The following CFAP46 variants were observed in gnomAD, a reference collection of about 807,000 sequenced individuals.
The protein encoded by CFAP46 is cilia- and flagella-associated protein 46.
In CFAP46, 245 loss-of-function variants were observed where a neutral mutation model predicts 325.7. That is an observed-to-expected ratio of 0.75 (90% CI 0.68 to 0.84). The LOEUF (loss-of-function observed/expected upper bound fraction) is 0.84, where lower values mean the gene tolerates loss of function less well. Ranked by LOEUF, CFAP46 falls within the 40% of genes least tolerant of loss-of-function variation. The pLI is 0.00. For missense variants in CFAP46, 3,346 were observed against 3,543.0 expected (o/e 0.94, Z 1.41); for synonymous variants, 1,523 against 1,495.9 (o/e 1.02, Z -0.42).
chr10:132,884,402 G>C lies in CFAP46; in HGVS notation c.3627+701C>G, dbSNP rs1282044410. On this transcript the variant is annotated intron_variant, in intron 27 of 57. Coordinates refer to ENST00000368586, the MANE Select transcript of CFAP46 (RefSeq NM_001200049.3). This position sits in a 1 kb window ranked among gnomAD's most constrained non-coding sequence, Gnocchi z 5.4. ...GACCCCAGAACAATCCAAAGGCCTC[G>C]GGGCAGGATTGCTCTGAGCCGGAGA... 6.6e-6 allele frequency among the ~76,000 whole-genome samples: 1 copy of C among 152,220 alleles called. No individual in the cohort carries two copies. Among genetic ancestry groups the C allele is most frequent in the Non-Finnish European group, 1.5e-5 (1 of 68,036 alleles).
chr10:132,899,795 A>G (rs1849369181), intron 22 of CFAP46, 129 bp from the exon 23 acceptor site: 1 of 1,098,520 alleles, frequency 9.1e-7, no homozygotes, highest in Non-Finnish European at 1.3e-6. Flanking sequence ...CTGGCCCACA[A>G]GCACATGTGC....
chr10:132,836,845 T>A lies in CFAP46; in HGVS notation c.6508A>T (p.Ile2170Phe). 6.2e-7 allele frequency: 1 copy of A among 1,613,796 alleles called. No individual in the cohort carries two copies. Among genetic ancestry groups the A allele is most frequent in the African/African-American group, 1.3e-5 (1 of 75,038 alleles). ...TCCCCTGAGAGGTGCAGAAAGAGGA[T>A]CCAAAAGGTCGGAGGCATCTCATTC... ...LLNEMPPTFW[I>F]LFLHLSGDRS... Residue 2170 changes from isoleucine to phenylalanine, a missense_variant, in exon 45 of 58, where the codon ATC becomes TTC. By Grantham distance (21) the Ile-to-Phe change is conservative. Transcript: ENST00000368586.
In CFAP46 at chr10:132,908,115, C is replaced by T. The variant is rs180827250; in HGVS notation, c.2924+353G>A. Reference sequence around the variant, plus strand: ...AGAATCCTTCCTGACCAGCTTTCCACGGGGCCACTGCTGACTTGTCCATGA... The same window carrying T: ...AGAATCCTTCCTGACCAGCTTTCCATGGGGCCACTGCTGACTTGTCCATGA... On this transcript the variant is annotated intron_variant, in intron 22 of 57. Coordinates refer to ENST00000368586, the MANE Select transcript of CFAP46 (RefSeq NM_001200049.3). 7.5e-4 allele frequency among the ~76,000 whole-genome samples: 114 copies of T among 152,350 alleles called. 2 individuals are homozygous for T. The highest frequency in any genetic ancestry group is 4.2e-3 in the Admixed American group (64 of 15,314).
intron 50 of CFAP46, among the ~76,000 whole-genome samples, chr10:132,821,511 C>CTGA (rs1847827309): frequency 2.6e-5 from 3 of 115,262 alleles, no homozygotes; most frequent in African/African-American, 3.6e-5. Flanking sequence ...GCTGTGTGCG[C>CTGA]TGTGTGCTGT....
chr10:132,912,575 C>A, intron 19 of CFAP46, 80 bp downstream of exon 19: 1 of 1,405,932 alleles, frequency 7.1e-7, no homozygotes, highest in Non-Finnish European at 9.5e-7. Flanking sequence ...CCTCTTTCAC[C>A]TCTCCTCTCC....
Position 132,926,672 on chromosome 10 carries a change from G to A in CFAP46, c.967-6C>T, listed in dbSNP as rs1405570726. 5 of 1,532,204 alleles carry A rather than the reference G, an allele frequency of 3.3e-6. No homozygotes were observed. The African/African-American group carries it at 4.1e-5, about 13-fold the overall frequency. The allele number at this position is 1,532,204 out of a possible 1,614,324, so 94.9% of individuals were successfully genotyped here. A position where few individuals can be genotyped will look rare whatever the true frequency, so the allele number is the denominator to read the frequency against. On this transcript the variant is annotated splice_region_variant and splice_polypyrimidine_tract_variant and intron_variant, in intron 9 of 57. Coordinates refer to ENST00000368586, the MANE Select transcript of CFAP46 (RefSeq NM_001200049.3). Reference sequence around the variant, plus strand: ...TCAATAAGCTTCCCAGGATCCTGCAGATATAAACAGTTTTTGAAAAGATGG... The same window carrying A: ...TCAATAAGCTTCCCAGGATCCTGCAAATATAAACAGTTTTTGAAAAGATGG...
At position 132,847,439 on chromosome 10, in the gene CFAP46, G is replaced by C. The variant is rs1036988853; in HGVS notation, c.5953-118C>G. 8.1e-7 allele frequency: 1 copy of C among 1,238,518 alleles called. No homozygotes were observed. The highest frequency in any genetic ancestry group is 1.5e-5 in the African/African-American group (1 of 66,922). The allele number at this position is 1,238,518 out of a possible 1,614,324, so 76.7% of individuals were successfully genotyped here. A position where few individuals can be genotyped will look rare whatever the true frequency, so the allele number is the denominator to read the frequency against. On this transcript the variant is annotated intron_variant, in intron 41 of 57. Coordinates refer to ENST00000368586, the MANE Select transcript of CFAP46 (RefSeq NM_001200049.3). This position sits in a 1 kb window ranked among gnomAD's most constrained non-coding sequence, Gnocchi z 5.2. ...TCCTCAGCAGGGTCCCCGGGTAGGG[G>C]GTACCGCAGGCCACAGCATGGCCTC...
At chr10:132,930,508 T>C (rs1344127841) in intron 8 of CFAP46, among the ~76,000 whole-genome samples, 3 of 120,844 alleles carry the variant, frequency 2.5e-5, no homozygotes, top group African/African-American at 6.5e-5. Context: ...GCCTGGGCCT[T>C]CCTCCTCCCC....
At chr10:132,809,188 G>T (rs1344193661) in intron 57 of CFAP46, among the ~76,000 whole-genome samples, 1 of 152,206 alleles carries the variant, frequency 6.6e-6, no homozygotes. Flanking sequence ...CTCTGCTGGG[G>T]GGGCGCCCGT....
rs1848071797 is a variant in CFAP46 at position 132,827,194 on chromosome 10, C to T, written c.7117+6164G>A. Among the ~76,000 whole-genome samples, 1 of 152,098 alleles carries T rather than the reference C, an allele frequency of 6.6e-6. No homozygotes were observed. Among genetic ancestry groups the T allele is most frequent in the Non-Finnish European group, 1.5e-5 (1 of 68,016 alleles). On this transcript the variant is annotated intron_variant, in intron 50 of 57. Coordinates refer to ENST00000368586, the MANE Select transcript of CFAP46 (RefSeq NM_001200049.3). The surrounding 1 kb of genome is among the most constrained non-coding windows in gnomAD (Gnocchi z 5.7). ...CTGCCATGCAGGGCAGACACAACCC[C>T]ACACGGTGCTCGTCAGGGGAAGGCA...
chr10:132,857,843 T>C (rs1432807402), intron 38 of CFAP46, 55 bp from the exon 39 acceptor site: 1 of 1,341,068 alleles, frequency 7.5e-7, no homozygotes, highest in East Asian at 2.5e-5. Flanking sequence ...TTACTAAATG[T>C]TTAATATGTC....
chr10:132,858,961 C>G, intron 38 of CFAP46, 110 bp downstream of exon 38: 2 of 1,184,784 alleles, frequency 1.7e-6, no homozygotes, highest in South Asian at 3.0e-5. Context: ...CTGTGGACCC[C>G]GCGGGGGTGC....
At position 132,875,467 on chromosome 10, in the gene CFAP46, TTCTCTACCAAATAC is replaced by T. The variant is rs1178655281; in HGVS notation, c.4362+1331_4362+1344del. On this transcript the variant is annotated intron_variant, in intron 31 of 57. Coordinates refer to ENST00000368586, the MANE Select transcript of CFAP46 (RefSeq NM_001200049.3). Reference sequence around the variant, plus strand: ...TCCTGAAGAATGAGGTAAGGAGATTTTCTCTACCAAATACTCACGGTTGTGAAGCTCAGTAATTG... The same window carrying T: ...TCCTGAAGAATGAGGTAAGGAGATTTTCACGGTTGTGAAGCTCAGTAATTG... Among the ~76,000 whole-genome samples, 3 of 152,220 alleles carry T rather than the reference TTCTCTACCAAATAC, an allele frequency of 2.0e-5. No individual in the cohort carries two copies. In the East Asian group the frequency reaches 5.8e-4, roughly 29 times the overall value.
chr10:132,907,901 C>T (rs1202152389), intron 22 of CFAP46, among the ~76,000 whole-genome samples: 4 of 152,224 alleles, frequency 2.6e-5, no homozygotes, highest in South Asian at 2.1e-4. Flanking sequence ...TCGCAGACGC[C>T]GAATCTGCCA....
intron 7 of CFAP46, among the ~76,000 whole-genome samples, chr10:132,936,519 T>C (rs1182257689): frequency 1.8e-3 from 133 of 75,086 alleles, no homozygotes; most frequent in Non-Finnish European, 2.0e-3. Context: ...GGCCCCCAAA[T>C]ACACTGTGAT....
chr10:132,908,466 A>ACGG lies in CFAP46; in HGVS notation c.2923_2924+1dup. ...ATTTGTCCAGTCATGAGGGTTACTT[A>ACGG]CGGCCCAAATTTCTTCAGGTACTTG... On this transcript the variant is annotated splice_donor_variant, in intron 22 of 57. Coordinates refer to ENST00000368586, the MANE Select transcript of CFAP46 (RefSeq NM_001200049.3). LOFTEE classifies it high-confidence loss of function. The ACGG allele has an allele frequency of 6.4e-7, 1 of 1,550,416 alleles. No individual in the cohort carries two copies. The highest frequency in any genetic ancestry group is 8.7e-7 in the Non-Finnish European group (1 of 1,146,960).
intron 21 of CFAP46, 49 bp downstream of exon 21, chr10:132,909,082 CTCGGCG>C (rs1849501832): frequency 7.5e-7 from 1 of 1,326,558 alleles, no homozygotes; most frequent in African/African-American, 1.5e-5. Context: ...GGGCAAGAGC[CTCGGCG>C]TCCTCGCCTC....
At chr10:132,810,820 T>TG in intron 56 of CFAP46, 130 bp downstream of exon 56, 1 of 865,122 alleles carries the variant, frequency 1.2e-6, no homozygotes. Flanking sequence ...GGAACGCATG[T>TG]GCACCCTGAC....
rs1486814084 is a variant in CFAP46 at position 132,908,560 on chromosome 10, G to A, written c.2832C>T (p.His944=). Residue 944 remains histidine (H), a synonymous_variant, in exon 22 of 58, where the codon CAC becomes CAT. Transcript: ENST00000368586. ...CATGGTCACGCGCTGCATGGGCGAAGTGGGTCAGCCGCGTCAGGGTCTGCA... is the reference window on the plus strand; with the variant it reads ...CATGGTCACGCGCTGCATGGGCGAAATGGGTCAGCCGCGTCAGGGTCTGCA... ...VELQTLTRLT[H]FAHAARDHET... 2.6e-6 allele frequency: 4 copies of A among 1,550,504 alleles called. No homozygotes were observed. Among genetic ancestry groups the A allele is most frequent in the South Asian group, 1.2e-5 (1 of 84,058 alleles).
Sources: gnomAD v4.1 joint callset for allele counts (sites outside exome capture counted in the v4.1 genomes callset) on GRCh38, gnomAD v4.1.1 for gene constraint, Gnocchi (gnomAD v3.1) non-coding constraint, MANE v1.5 for transcripts, NCBI Gene and HGNC (gene_info 2026-07-23, HGNC 2026-07-21) for gene names.